Variants in RAP2A observed in about 807,000 individuals in gnomAD.
RAP2A encodes the protein ras-related protein Rap-2a.
In RAP2A, 5 loss-of-function variants were observed where a neutral mutation model predicts 15.1. The observed-to-expected ratio is 0.33, with a 90% CI of 0.17 to 0.70. RAP2A has a LOEUF of 0.70. RAP2A is among the 30% of genes least tolerant of loss of function. The pLI is 0.68. For synonymous variants in RAP2A, 110 were observed against 99.7 expected (o/e 1.10, Z -0.62); for missense variants, 111 against 240.3 (o/e 0.46, Z 3.56).
intron 1 of RAP2A, among the ~76,000 whole-genome samples, chr13:97,456,164 C>G (rs758376170): frequency 9.9e-5 from 15 of 152,160 alleles, no homozygotes; most frequent in African/African-American, 3.6e-4. Context: ...CACATACTCA[C>G]GCTCAAAGGG....
intron 1 of RAP2A, among the ~76,000 whole-genome samples, chr13:97,449,434 G>A (rs1342925211): frequency 6.6e-6 from 1 of 152,174 alleles, no homozygotes; most frequent in African/African-American, 2.4e-5. Context: ...CTCACATCCA[G>A]TAATTCCTGT....
intron 1 of RAP2A, among the ~76,000 whole-genome samples, chr13:97,435,465 CAAAAAAAAAA>C (rs35791914): frequency 6.3e-5 from 4 of 63,652 alleles, no homozygotes; most frequent in East Asian, 4.7e-4. Flanking sequence ...TAACCCCTTC[CAAAAAAAAAA>C]AAAAAAAAAA....
intron 1 of RAP2A, among the ~76,000 whole-genome samples, chr13:97,459,063 T>C (rs1022017053): frequency 6.6e-6 from 1 of 152,156 alleles, no homozygotes; most frequent in African/African-American, 2.4e-5. Context: ...TTATTAGACC[T>C]GCATCAGTCA....
intron 1 of RAP2A, among the ~76,000 whole-genome samples, chr13:97,446,328 G>A (rs1375028551): frequency 6.6e-6 from 1 of 151,884 alleles, no homozygotes; most frequent in African/African-American, 2.4e-5. Flanking sequence ...GAGATACCTT[G>A]TTTAAATAAA....
intron 1 of RAP2A, among the ~76,000 whole-genome samples, chr13:97,457,256 A>G (rs1269207486): frequency 2.0e-5 from 3 of 151,704 alleles, no homozygotes; most frequent in Non-Finnish European, 1.5e-5. Context: ...AGATATATAT[A>G]TATACATATA....
intron 1 of RAP2A, among the ~76,000 whole-genome samples, chr13:97,450,708 GGTT>G (rs2066698853): frequency 6.6e-6 from 1 of 150,918 alleles, no homozygotes; most frequent in African/African-American, 2.4e-5. Flanking sequence ...TTTTACATTT[GGTT>G]TCTAAATGAT....
intron 1 of RAP2A, chr13:97,441,819 A>T: frequency 2.3e-6 from 1 of 443,916 alleles, no homozygotes; most frequent in Non-Finnish European, 4.5e-6. Context: ...TGGAGTAATA[A>T]GAGTTTGAAT....
intron 1 of RAP2A, among the ~76,000 whole-genome samples, chr13:97,460,961 C>G (rs760850197): frequency 6.6e-5 from 10 of 152,162 alleles, no homozygotes; most frequent in Non-Finnish European, 1.2e-4. Context: ...CTCCTTTGAT[C>G]AGTTTCTCCG....
At chr13:97,458,355 C>T (rs1013310222) in intron 1 of RAP2A, among the ~76,000 whole-genome samples, 2 of 152,060 alleles carry the variant, frequency 1.3e-5, no homozygotes, top group Non-Finnish European at 2.9e-5. Context: ...CGATGCAGCA[C>T]CCTCAAAAGT....
chr13:97,454,719 T>C (rs1178330538), intron 1 of RAP2A, among the ~76,000 whole-genome samples: 1 of 151,488 alleles, frequency 6.6e-6, no homozygotes, highest in African/African-American at 2.4e-5. Flanking sequence ...TTTTCTTTCC[T>C]CATTTTTAAA....
At chr13:97,436,064 C>T (rs1020646666) in intron 1 of RAP2A, 1 of 152,092 alleles carries the variant, frequency 6.6e-6, no homozygotes, top group Non-Finnish European at 1.5e-5. Flanking sequence ...ATTGCTCCAC[C>T]CCCCCTTAAC....
At chr13:97,462,438 G>A (rs771825379) in intron 1 of RAP2A, among the ~76,000 whole-genome samples, 3 of 152,120 alleles carry the variant, frequency 2.0e-5, no homozygotes, top group Non-Finnish European at 2.9e-5. Context: ...ATGGTGTTTT[G>A]TAATGCAGCT....
chr13:97,441,449 G>A (rs2066657193), intron 1 of RAP2A, among the ~76,000 whole-genome samples: 1 of 152,088 alleles, frequency 6.6e-6, no homozygotes, highest in African/African-American at 2.4e-5. Flanking sequence ...ATACTTGAGT[G>A]ATTTAATTTC....
intron 1 of RAP2A, among the ~76,000 whole-genome samples, chr13:97,449,883 C>T (rs2066694989): frequency 6.6e-6 from 1 of 152,064 alleles, no homozygotes; most frequent in Non-Finnish European, 1.5e-5. Context: ...TTGTTTATTG[C>T]TGGGCAGAAG....
At chr13:97,463,299 A>C (rs2066756207) in intron 1 of RAP2A, among the ~76,000 whole-genome samples, 1 of 152,252 alleles carries the variant, frequency 6.6e-6, no homozygotes, top group South Asian at 2.1e-4. Flanking sequence ...TTGTAGAGAC[A>C]ATCATCTTAG....
At chr13:97,457,249 T>G (rs77602018) in intron 1 of RAP2A, among the ~76,000 whole-genome samples, 3,049 of 151,130 alleles carry the variant, frequency 0.02, 103 homozygotes, top group African/African-American at 0.07. Context: ...ACGTGAGAGA[T>G]ATATATATAT....
chr13:97,444,404 A>G (rs1489819197), intron 1 of RAP2A, among the ~76,000 whole-genome samples: 1 of 152,224 alleles, frequency 6.6e-6, no homozygotes, highest in Admixed American at 6.5e-5. Flanking sequence ...CTCTTTATGA[A>G]TACCAAATAT....
intron 1 of RAP2A, among the ~76,000 whole-genome samples, chr13:97,452,101 G>GT (rs1441900429): frequency 2.0e-5 from 3 of 151,000 alleles, no homozygotes; most frequent in African/African-American, 7.3e-5. Context: ...TCACTTAATA[G>GT]TTTCCTTGAG....
rs758490233 is a variant in RAP2A, at chr13:97,468,463, T to C, written c.*4021T>C. Reference sequence around the variant, plus strand: ...TGTTCTATATGGGGCCCTATGAAAGTTGACAGATGCTGTTAATTGTATACA... The same window carrying C: ...TGTTCTATATGGGGCCCTATGAAAGCTGACAGATGCTGTTAATTGTATACA... On this transcript the variant is annotated 3_prime_UTR_variant, in exon 2 of 2. Transcript: ENST00000245304. The C allele has an allele frequency of 2.6e-5, 4 of 152,208 alleles. No homozygotes were observed. Among genetic ancestry groups the C allele is most frequent in the Non-Finnish European group, 4.4e-5 (3 of 68,044 alleles). 9.4% of individuals were successfully genotyped at this position (152,208 alleles called of 1,614,324 possible).
Sources: gnomAD v4.1 joint callset for allele counts (sites outside exome capture counted in the v4.1 genomes callset) on GRCh38, gnomAD v4.1.1 for gene constraint, MANE v1.5 for transcripts, NCBI Gene and HGNC (gene_info 2026-07-23, HGNC 2026-07-21) for gene names.